COP1: variants seen among roughly 807,000 people sequenced by gnomAD.
COP1 encodes E3 ubiquitin-protein ligase COP1.
Under a neutral mutation model 101.3 loss-of-function variants are expected in COP1, and 24 were observed. The observed-to-expected ratio is 0.24, with a 90% CI of 0.17 to 0.33. The LOEUF (loss-of-function observed/expected upper bound fraction) is 0.33. COP1 is among the 10% of genes least tolerant of loss of function. The pLI, the probability that COP1 is intolerant of heterozygous loss-of-function variation, is 1.00. For synonymous variants in COP1, 347 were observed against 341.9 expected, an observed-to-expected ratio of 1.01 and a Z score of -0.17; for missense variants, 663 against 906.2, an observed-to-expected ratio of 0.73 and a Z score of 3.45.
At chr1:176,126,254 C>T (rs535889456) in intron 8 of COP1, among the ~76,000 whole-genome samples, 2 of 152,262 alleles carry the variant, frequency 1.3e-5, no homozygotes, top group South Asian at 2.1e-4. Flanking sequence ...TTTAGTACTA[C>T]GTTGAGTAAC....
At chr1:176,065,798 C>A (rs560811486) in intron 11 of COP1, among the ~76,000 whole-genome samples, 2 of 151,650 alleles carry the variant, frequency 1.3e-5, no homozygotes, top group Admixed American at 6.6e-5. Context: ...ACCTCCACCC[C>A]CTGGGTTCAA....
chr1:176,143,583 T>C (rs1217426939), intron 6 of COP1, among the ~76,000 whole-genome samples: 3 of 152,094 alleles, frequency 2.0e-5, no homozygotes, highest in South Asian at 2.1e-4. Flanking sequence ...TGAACATAGA[T>C]GCAAAAATCC....
intron 11 of COP1, among the ~76,000 whole-genome samples, chr1:176,074,791 GAA>G (rs79480972): frequency 4.3e-4 from 46 of 107,228 alleles, no homozygotes; most frequent in African/African-American, 1.1e-3. Context: ...TTTCAGGAAT[GAA>G]AAAAAAAAAA....
intron 10 of COP1, among the ~76,000 whole-genome samples, chr1:176,082,068 C>T (rs1679248251): frequency 6.6e-6 from 1 of 152,128 alleles, no homozygotes; most frequent in Non-Finnish European, 1.5e-5. Flanking sequence ...CCTGAGAATA[C>T]AACGAATCTA....
chr1:175,964,286 G>A (rs189540283), intron 18 of COP1, among the ~76,000 whole-genome samples: 1 of 152,130 alleles, frequency 6.6e-6, no homozygotes, highest in East Asian at 1.9e-4. Flanking sequence ...ACCCTTAGAT[G>A]TTTAAAAGCA....
At chr1:176,105,520 C>A (rs1199499768) in intron 9 of COP1, among the ~76,000 whole-genome samples, 8 of 152,050 alleles carry the variant, frequency 5.3e-5, no homozygotes, top group Non-Finnish European at 1.5e-5. Context: ...TAAGACCATG[C>A]AAATAAGTAA....
At chr1:176,146,037 T>A (rs1037725861) in intron 6 of COP1, among the ~76,000 whole-genome samples, 1 of 152,188 alleles carries the variant, frequency 6.6e-6, no homozygotes, top group African/African-American at 2.4e-5. Flanking sequence ...AAAAATCGTT[T>A]AAAATTCAAT....
At chr1:176,127,355 C>T (rs188827627) in intron 8 of COP1, among the ~76,000 whole-genome samples, 31 of 152,142 alleles carry the variant, frequency 2.0e-4, no homozygotes, top group African/African-American at 7.2e-4. Context: ...CCCCTCTCCC[C>T]ATCCACCTCT....
intron 9 of COP1, among the ~76,000 whole-genome samples, chr1:176,099,324 A>G (rs1036189006): frequency 2.0e-5 from 3 of 152,248 alleles, no homozygotes; most frequent in South Asian, 2.1e-4. Flanking sequence ...ATCAAGCAAA[A>G]TAAGAGTTAA....
At chr1:175,945,254 A>G (rs930515507) in intron 19 of COP1, 84 bp from the exon 20 acceptor site, 124 of 987,498 alleles carry the variant, frequency 1.3e-4, no homozygotes, top group Non-Finnish European at 1.6e-4. Flanking sequence ...ATATTTACCA[A>G]TAGAAAAGCA....
At position 176,107,474 on chromosome 1, in the gene COP1, G is replaced by C. The variant is rs144623004; in HGVS notation, c.1026+9150C>G. ...AAAAGGATACAGAAGTCAGTATGAA[G>C]GAGCTCCAACTAGCCAAATACAAGA... On this transcript the variant is annotated intron_variant, in intron 9 of 19. Coordinates refer to ENST00000367669, the MANE Select transcript of COP1 (RefSeq NM_022457.7). Among the ~76,000 whole-genome samples, 455 of 152,108 alleles carry C rather than the reference G, an allele frequency of 3.0e-3. 2 individuals carry two copies. Among genetic ancestry groups the C allele is most frequent in the African/African-American group, 0.01 (428 of 41,522 alleles).
chr1:176,196,477 T>A (rs946796630), intron 1 of COP1, among the ~76,000 whole-genome samples: 3 of 152,192 alleles, frequency 2.0e-5, no homozygotes, highest in African/African-American at 7.2e-5. Flanking sequence ...ATTATTATTA[T>A]GCCAATAAAT....
At position 175,997,069 on chromosome 1, in the gene COP1, GAACAC is replaced by G. The variant is rs1226969191; in HGVS notation, c.1730-7595_1730-7591del. ...AACAGAGATATAGATCAATGGAACAGAACACAGTCCTCAGAAATAATGCCGCGTAC... is the reference window on the plus strand; with the variant it reads ...AACAGAGATATAGATCAATGGAACAGAGTCCTCAGAAATAATGCCGCGTAC... On this transcript the variant is annotated intron_variant, in intron 15 of 19. Transcript: ENST00000367669. Among the ~76,000 whole-genome samples the G allele has an allele frequency of 2.7e-3, 416 of 151,962 alleles. 1 individual carries two copies. Among genetic ancestry groups the G allele is most frequent in the African/African-American group, 9.6e-3 (399 of 41,414 alleles).
In COP1 at chr1:176,102,556, G is replaced by A. The variant is rs145601728; in HGVS notation, c.1026+14068C>T. Among the ~76,000 whole-genome samples, 105 of 152,310 alleles carry A rather than the reference G, an allele frequency of 6.9e-4. 3 individuals are homozygous for A. The East Asian group carries it at 0.015, about 22-fold the overall frequency. Reference sequence around the variant, plus strand: ...CTGTCCTTTTTCATTCCTGGGCATAGACTGAACTGACTTTGAGAAGAACTT... The same window carrying A: ...CTGTCCTTTTTCATTCCTGGGCATAAACTGAACTGACTTTGAGAAGAACTT... On this transcript the variant is annotated intron_variant, in intron 9 of 19. Coordinates refer to ENST00000367669, the MANE Select transcript of COP1 (RefSeq NM_022457.7).
In COP1 at chr1:176,054,162, T is replaced by A. The variant is rs1428185131; in HGVS notation, c.1278-7838A>T. On this transcript the variant is annotated intron_variant, in intron 11 of 19. Transcript: ENST00000367669. ...CATAATCACTCTCAGCAAATTATTC[T>A]TTTTTTTTTTTTTTTGAGATGGTGC... Among the ~76,000 whole-genome samples the A allele has an allele frequency of 6.0e-4, 4 of 6,622 alleles. No individual in the cohort carries two copies. In the Non-Finnish European group the frequency reaches 0.11, roughly 184 times the overall value. 4.3% of individuals were successfully genotyped at this position (6,622 alleles called of 152,430 possible). A position where few individuals can be genotyped will look rare whatever the true frequency, so the allele number is the denominator to read the frequency against.
chr1:176,037,717 GTATT>G (rs1346725965), intron 14 of COP1, among the ~76,000 whole-genome samples: 2 of 152,026 alleles, frequency 1.3e-5, no homozygotes, highest in African/African-American at 4.8e-5. Context: ...TGCATAAAAA[GTATT>G]TAACAAAATT....
rs114684796 is a variant in COP1 at position 176,184,190 on chromosome 1, G to A, written c.467+443C>T. ...ATGAGTTAACCTGGCATGATATAAT[G>A]TAAAGTTAATATTGAGCAAAGTGTT... On this transcript the variant is annotated intron_variant, in intron 2 of 19. Coordinates refer to ENST00000367669, the MANE Select transcript of COP1 (RefSeq NM_022457.7). Among the ~76,000 whole-genome samples, 1,168 of 152,202 alleles carry A rather than the reference G, an allele frequency of 7.7e-3. 15 individuals carry two copies. The highest frequency in any genetic ancestry group is 0.026 in the African/African-American group (1,083 of 41,536).
At chr1:175,997,859 G>A (rs897451965) in intron 15 of COP1, among the ~76,000 whole-genome samples, 1 of 151,948 alleles carries the variant, frequency 6.6e-6, no homozygotes, top group Non-Finnish European at 1.5e-5. Flanking sequence ...CAGGGATCTA[G>A]AACTAGAAAT....
At chr1:176,037,847 G>A (rs948828573) in intron 14 of COP1, among the ~76,000 whole-genome samples, 4 of 152,126 alleles carry the variant, frequency 2.6e-5, no homozygotes, top group African/African-American at 9.7e-5. Flanking sequence ...GTGATGAAAA[G>A]CTGCAAGATT....
Sources: allele counts gnomAD v4.1 joint callset (sites outside exome capture counted in the v4.1 genomes callset), GRCh38; gene constraint gnomAD v4.1.1; transcripts MANE v1.5; gene names NCBI Gene and HGNC (gene_info 2026-07-23, HGNC 2026-07-21).